Variants in GPBP1 observed in about 807,000 individuals in gnomAD.
GPBP1 encodes GC-rich promoter binding protein 1.
A neutral mutation model predicts 56.5 loss-of-function variants in GPBP1; 13 were observed. That is an observed-to-expected ratio of 0.23 (90% CI 0.15 to 0.37). The LOEUF (loss-of-function observed/expected upper bound fraction) is 0.37, where lower values mean the gene tolerates loss of function less well. Among genes scored for constraint, GPBP1 ranks in the 10% least tolerant of loss-of-function variants. The probability of loss-of-function intolerance (pLI) is 1.00; values close to 1 mark genes in which losing one functional copy is unlikely to be tolerated. For missense variants in GPBP1, 477 were observed against 572.3 expected (o/e 0.83, Z 1.70); for synonymous variants, 204 against 188.9 (o/e 1.08, Z -0.66).
chr5:57,188,691 C>T (rs1030349794), intron 2 of GPBP1, among the ~76,000 whole-genome samples: 9 of 151,774 alleles, frequency 5.9e-5, no homozygotes, highest in African/African-American at 1.9e-4. Flanking sequence ...TGTAGTGAGC[C>T]GAGATCGTGG....
chr5:57,179,029 A>G (rs1579964706), intron 2 of GPBP1, among the ~76,000 whole-genome samples: 1 of 152,264 alleles, frequency 6.6e-6, no homozygotes, highest in East Asian at 1.9e-4. Context: ...CTGATGAGAA[A>G]ATTAGGATTT....
intron 2 of GPBP1, among the ~76,000 whole-genome samples, chr5:57,198,293 G>A (rs2111677301): frequency 6.6e-6 from 1 of 152,224 alleles, no homozygotes; most frequent in Non-Finnish European, 1.5e-5. Context: ...TTTCATTTAT[G>A]TCATTCCAAA....
intron 10 of GPBP1, among the ~76,000 whole-genome samples, chr5:57,251,780 CTA>C (rs980389071): frequency 6.6e-6 from 1 of 152,004 alleles, no homozygotes; most frequent in Admixed American, 6.6e-5. Context: ...TCCAAAATGA[CTA>C]TGTCATTTTA....
At chr5:57,177,748 G>A (rs975237750) in intron 2 of GPBP1, among the ~76,000 whole-genome samples, 2 of 140,120 alleles carry the variant, frequency 1.4e-5, no homozygotes, top group Non-Finnish European at 3.0e-5. Flanking sequence ...TGATCCTTGC[G>A]CCTTGGCTTC....
chr5:57,177,390 T>C (rs1049366487), intron 2 of GPBP1, among the ~76,000 whole-genome samples: 2 of 152,132 alleles, frequency 1.3e-5, no homozygotes, highest in African/African-American at 4.8e-5. Context: ...AATGACAAAA[T>C]TTAATTTTTA....
chr5:57,231,912 A>G (rs2111858619), intron 5 of GPBP1, among the ~76,000 whole-genome samples: 1 of 152,242 alleles, frequency 6.6e-6, no homozygotes, highest in Admixed American at 6.6e-5. Flanking sequence ...CATACTTGAT[A>G]AGCAGCGAGC....
Position 57,175,591 on chromosome 5 carries a change from G to A in GPBP1, c.-867G>A, listed in dbSNP as rs996372879. The stretch of plus-strand genomic sequence containing the variant: ...ATTAAAATTGGCAAGAATCGTCTGT[G>A]AAGTGAATTGATAGTAGTGAACAAT... On this transcript the variant is annotated 5_prime_UTR_variant, in exon 2 of 12. Coordinates refer to ENST00000506184, the MANE Select transcript of GPBP1 (RefSeq NM_022913.4). 4.0e-5 allele frequency: 16 copies of A among 397,666 alleles called. No homozygotes were observed. Among genetic ancestry groups the A allele is most frequent in the Non-Finnish European group, 6.6e-5 (15 of 225,708 alleles). The allele number at this position is 397,666 out of a possible 1,614,324, so 24.6% of individuals were successfully genotyped here. A position where few individuals can be genotyped will look rare whatever the true frequency, so the allele number is the denominator to read the frequency against.
Position 57,249,463 on chromosome 5 carries a change from C to G in GPBP1, c.859C>G (p.Leu287Val), listed in dbSNP as rs926148776. ...PVDKLNQQPR[L>V]TKLTRMRTDK... ...TGACAAACTTAATCAGCAGCCTCGTCTAACCAAACTGACACGAATGCGCAC... is the reference window on the plus strand; with the variant it reads ...TGACAAACTTAATCAGCAGCCTCGTGTAACCAAACTGACACGAATGCGCAC... Residue 287 changes from leucine (L) to valine (V), a missense_variant, in exon 9 of 12, where the codon CTA (leucine) becomes GTA (valine). By Grantham distance (32) the Leu-to-Val change is conservative. Transcript: ENST00000506184. 7 of 1,611,578 alleles carry G rather than the reference C, an allele frequency of 4.3e-6. No individual in the cohort carries two copies. The African/African-American group carries it at 8.0e-5, about 18-fold the overall frequency.
At chr5:57,236,948 G>T (rs1183366215) in intron 6 of GPBP1, 1 of 606,666 alleles carries the variant, frequency 1.6e-6, no homozygotes, top group Non-Finnish European at 2.9e-6. Flanking sequence ...TATATTGTAT[G>T]TATGAGGTGA....
At chr5:57,210,445 C>T (rs1021321539) in intron 2 of GPBP1, among the ~76,000 whole-genome samples, 4 of 152,044 alleles carry the variant, frequency 2.6e-5, no homozygotes, top group African/African-American at 9.7e-5. Context: ...TTTTTTTAAG[C>T]CAGTCAAATT....
At chr5:57,229,496 TCC>T (rs1756348811) in intron 3 of GPBP1, among the ~76,000 whole-genome samples, 1 of 81,342 alleles carries the variant, frequency 1.2e-5, no homozygotes, top group East Asian at 2.2e-3. Flanking sequence ...CCTTTCCTTT[TCC>T]TTTTTCCTTT....
chr5:57,202,178 T>A (rs111296906), intron 2 of GPBP1, among the ~76,000 whole-genome samples: 2,757 of 151,948 alleles, frequency 0.018, 79 homozygotes, highest in African/African-American at 0.064. Flanking sequence ...AGAGGCGAGG[T>A]TTCACCATGT....
intron 10 of GPBP1, among the ~76,000 whole-genome samples, chr5:57,254,279 T>TAA: frequency 6.6e-6 from 1 of 152,246 alleles, no homozygotes; most frequent in African/African-American, 2.4e-5. Flanking sequence ...ATCTTTATCT[T>TAA]TCTGTCTTTA....
intron 2 of GPBP1, among the ~76,000 whole-genome samples, chr5:57,185,347 C>T (rs1004569652): frequency 6.6e-6 from 1 of 151,724 alleles, no homozygotes; most frequent in Non-Finnish European, 1.5e-5. Context: ...CTGCAACCTC[C>T]GCCTACCGGG....
At chr5:57,240,124 G>T (rs1171942268) in intron 6 of GPBP1, among the ~76,000 whole-genome samples, 1 of 152,134 alleles carries the variant, frequency 6.6e-6, no homozygotes, top group Non-Finnish European at 1.5e-5. Context: ...GGTTGTGTGT[G>T]TCTGTAGTCT....
intron 2 of GPBP1, among the ~76,000 whole-genome samples, chr5:57,213,690 A>G (rs1283905919): frequency 1.3e-5 from 2 of 152,170 alleles, no homozygotes; most frequent in East Asian, 3.8e-4. Flanking sequence ...TACATCATAG[A>G]TGGTACTCTG....
chr5:57,199,655 A>G (rs1754913225), intron 2 of GPBP1, among the ~76,000 whole-genome samples: 1 of 152,074 alleles, frequency 6.6e-6, no homozygotes, highest in Non-Finnish European at 1.5e-5. Context: ...TTAACTCGTC[A>G]TTTACATTAG....
chr5:57,252,380 G>A (rs894604170), intron 10 of GPBP1, among the ~76,000 whole-genome samples: 4 of 152,000 alleles, frequency 2.6e-5, no homozygotes, highest in African/African-American at 4.8e-5. Flanking sequence ...CGTGGACAGC[G>A]AATTGTCCCA....
chr5:57,178,070 T>C (rs1753873561), intron 2 of GPBP1, among the ~76,000 whole-genome samples: 1 of 152,116 alleles, frequency 6.6e-6, no homozygotes, highest in South Asian at 2.1e-4. Context: ...CTACCTTGAT[T>C]TATAAAATCG....
Sources: allele counts gnomAD v4.1 joint callset (sites outside exome capture counted in the v4.1 genomes callset), GRCh38; gene constraint gnomAD v4.1.1; transcripts MANE v1.5; gene names NCBI Gene and HGNC (gene_info 2026-07-23, HGNC 2026-07-21).